Variants in SYN2 observed in about 807,000 individuals in gnomAD.
SYN2 encodes the protein synapsin II.
In SYN2, 19 loss-of-function variants were observed where a neutral mutation model predicts 50.9. The observed-to-expected ratio is 0.37, with a 90% CI of 0.26 to 0.55. The LOEUF is 0.55. Ranked by LOEUF, SYN2 falls within the 20% of genes least tolerant of loss-of-function variation. SYN2 has a pLI of 0.81. For synonymous variants in SYN2, 255 were observed against 224.9 expected (o/e 1.13, Z -1.20); for missense variants, 587 against 576.4 (o/e 1.02, Z -0.19).
chr3:12,144,286 G>A (rs888224648), intron 3 of SYN2, among the ~76,000 whole-genome samples: 3 of 152,144 alleles, frequency 2.0e-5, no homozygotes, highest in East Asian at 1.9e-4. Flanking sequence ...TCAGTTCTGC[G>A]AAAAATATTT....
intron 1 of SYN2, among the ~76,000 whole-genome samples, chr3:12,011,763 G>T (rs1482076433): frequency 6.6e-6 from 1 of 152,110 alleles, no homozygotes; most frequent in African/African-American, 2.4e-5. Flanking sequence ...ACAGATTTCC[G>T]CTGGAGGTCT....
intron 1 of SYN2, among the ~76,000 whole-genome samples, chr3:12,076,160 A>G (rs1271874004): frequency 6.6e-5 from 10 of 152,082 alleles, no homozygotes; most frequent in African/African-American, 4.8e-5. Flanking sequence ...TTCTTATGCC[A>G]TGCTGCCTTT....
intron 1 of SYN2, among the ~76,000 whole-genome samples, chr3:12,048,642 A>G (rs887351240): frequency 3.3e-5 from 5 of 152,216 alleles, no homozygotes; most frequent in African/African-American, 7.2e-5. Flanking sequence ...GATAGTGGAT[A>G]AGACAATCTA....
At chr3:12,130,437 A>T (rs1696770833) in intron 1 of SYN2, among the ~76,000 whole-genome samples, 1 of 152,244 alleles carries the variant, frequency 6.6e-6, no homozygotes, top group Non-Finnish European at 1.5e-5. Flanking sequence ...GAGAAAAGCT[A>T]TGTCCTTGCT....
chr3:12,172,558 C>T (rs1697960755), intron 10 of SYN2, among the ~76,000 whole-genome samples: 1 of 152,206 alleles, frequency 6.6e-6, no homozygotes, highest in African/African-American at 2.4e-5. Flanking sequence ...ACTCATGACT[C>T]ATTCCCCTCC....
chr3:12,085,411 C>T (rs1175929936), intron 1 of SYN2, among the ~76,000 whole-genome samples: 5 of 151,648 alleles, frequency 3.3e-5, no homozygotes, highest in Non-Finnish European at 5.9e-5. Flanking sequence ...TGTCAGAGCA[C>T]CTAAATATAT....
chr3:12,169,166 A>G (rs922042001), intron 9 of SYN2, among the ~76,000 whole-genome samples: 1 of 152,192 alleles, frequency 6.6e-6, no homozygotes, highest in Non-Finnish European at 1.5e-5. Flanking sequence ...TTTCTCATCC[A>G]TAATTGAGAA....
At chr3:12,116,015 G>T (rs554791057) in intron 1 of SYN2, among the ~76,000 whole-genome samples, 2 of 152,292 alleles carry the variant, frequency 1.3e-5, no homozygotes, top group South Asian at 4.1e-4. Flanking sequence ...GACTGTCAGA[G>T]CCCTGAATGA....
intron 1 of SYN2, chr3:12,070,086 CA>C: frequency 3.7e-6 from 1 of 272,980 alleles, no homozygotes; most frequent in South Asian, 4.0e-5. Context: ...AGGCATAAGC[CA>C]CTATGCCTGT....
At chr3:12,159,691 T>C (rs1441350679) in intron 5 of SYN2, among the ~76,000 whole-genome samples, 1 of 152,192 alleles carries the variant, frequency 6.6e-6, no homozygotes, top group Non-Finnish European at 1.5e-5. Context: ...TGATTTTTAT[T>C]GCATGTCCCT....
At chr3:12,060,930 G>C (rs556287327) in intron 1 of SYN2, among the ~76,000 whole-genome samples, 189 of 152,256 alleles carry the variant, frequency 1.2e-3, no homozygotes, top group African/African-American at 3.9e-3. Flanking sequence ...ACATATCTTG[G>C]AATTAACAAG....
intron 4 of SYN2, among the ~76,000 whole-genome samples, chr3:12,149,064 G>A (rs1194737938): frequency 6.6e-6 from 1 of 152,166 alleles, no homozygotes; most frequent in Admixed American, 6.5e-5. Context: ...AGGGTGGGGT[G>A]AGCTCCCTGA....
chr3:12,105,912 G>A (rs1244000419), intron 1 of SYN2, among the ~76,000 whole-genome samples: 1 of 152,106 alleles, frequency 6.6e-6, no homozygotes, highest in Non-Finnish European at 1.5e-5. Flanking sequence ...ATGATTTGTT[G>A]TATTAGTTTT....
At chr3:12,173,795 T>G (rs1017393139) in intron 10 of SYN2, among the ~76,000 whole-genome samples, 9 of 152,062 alleles carry the variant, frequency 5.9e-5, no homozygotes, top group African/African-American at 2.2e-4. Flanking sequence ...GTGTCTGTAA[T>G]CCCAGCTACT....
chr3:12,143,168 C>G (rs1041111886), intron 3 of SYN2, among the ~76,000 whole-genome samples: 4 of 152,120 alleles, frequency 2.6e-5, no homozygotes, highest in Non-Finnish European at 5.9e-5. Context: ...GTGTACAGCT[C>G]AATTCCTGTA....
chr3:12,051,372 T>G (rs1205723801), intron 1 of SYN2, among the ~76,000 whole-genome samples: 1 of 147,570 alleles, frequency 6.8e-6, no homozygotes, highest in Non-Finnish European at 1.5e-5. Flanking sequence ...AGATATGAGC[T>G]GCTACATTGT....
intron 1 of SYN2, among the ~76,000 whole-genome samples, chr3:12,105,946 T>C (rs1222015217): frequency 1.3e-5 from 2 of 152,198 alleles, no homozygotes; most frequent in African/African-American, 2.4e-5. Context: ...ACAACACCTA[T>C]TTATTAACTC....
At chr3:12,059,034 C>T (rs977337430) in intron 1 of SYN2, among the ~76,000 whole-genome samples, 2 of 152,096 alleles carry the variant, frequency 1.3e-5, no homozygotes, top group African/African-American at 4.8e-5. Flanking sequence ...CATGTGTTGC[C>T]AAAGTAGTTC....
At chr3:12,178,454 A>G (rs1698141299) in intron 10 of SYN2, among the ~76,000 whole-genome samples, 1 of 152,188 alleles carries the variant, frequency 6.6e-6, no homozygotes, top group African/African-American at 2.4e-5. Context: ...ACAAAAACCC[A>G]CAAACCCTCA....
Sources: gnomAD v4.1 joint callset for allele counts (sites outside exome capture counted in the v4.1 genomes callset) on GRCh38, gnomAD v4.1.1 for gene constraint, MANE v1.5 for transcripts, NCBI Gene and HGNC (gene_info 2026-07-23, HGNC 2026-07-21) for gene names.